The following STAC variants were observed in gnomAD, a reference collection of about 807,000 sequenced individuals.
STAC encodes the protein SH3 and cysteine-rich domain-containing protein.
STAC carries 43 observed loss-of-function variants against 48.8 expected under a neutral mutation model. The observed-to-expected ratio is 0.88, with a 90% confidence interval of 0.69 to 1.14. The LOEUF is 1.14. STAC is among the 50% of genes most tolerant of loss of function. The probability of loss-of-function intolerance (pLI) is 0.00; values close to 1 mark genes in which losing one functional copy is unlikely to be tolerated. For missense variants in STAC, 497 were observed against 504.0 expected, an observed-to-expected ratio of 0.99 and a Z score of 0.13; for synonymous variants, 193 against 179.5, an observed-to-expected ratio of 1.07 and a Z score of -0.60.
intron 1 of STAC, among the ~76,000 whole-genome samples, chr3:36,426,956 G>T (rs1700579658): frequency 1.3e-5 from 2 of 152,176 alleles, no homozygotes. Flanking sequence ...AAAGCAAAAT[G>T]TAAGTGTGAC....
At chr3:36,454,150 T>C (rs913160304) in intron 2 of STAC, among the ~76,000 whole-genome samples, 3 of 152,084 alleles carry the variant, frequency 2.0e-5, no homozygotes, top group African/African-American at 4.8e-5. Context: ...CCCGCTCGGA[T>C]CCTCTTCCAC....
intron 8 of STAC, among the ~76,000 whole-genome samples, chr3:36,519,694 T>A (rs1437458147): frequency 6.6e-6 from 1 of 152,208 alleles, no homozygotes; most frequent in Non-Finnish European, 1.5e-5. Context: ...GATAATTTTT[T>A]AAATTTAAGA....
chr3:36,545,434 C>A (rs191550215), intron 10 of STAC, among the ~76,000 whole-genome samples: 2 of 152,198 alleles, frequency 1.3e-5, no homozygotes, highest in South Asian at 4.2e-4. Flanking sequence ...TACAAGGAAC[C>A]CTGTGTCAGG....
At chr3:36,405,505 C>A (rs1700072080) in intron 1 of STAC, among the ~76,000 whole-genome samples, 1 of 152,132 alleles carries the variant, frequency 6.6e-6, no homozygotes, top group Non-Finnish European at 1.5e-5. Context: ...GAAGGATCTC[C>A]TTCATCATCT....
intron 1 of STAC, among the ~76,000 whole-genome samples, chr3:36,433,857 T>C (rs776480420): frequency 1.1e-4 from 16 of 152,174 alleles, no homozygotes; most frequent in Non-Finnish European, 2.4e-4. Context: ...TTTACCAATA[T>C]AGTCATTAAT....
At chr3:36,520,834 A>G (rs888215752) in intron 8 of STAC, among the ~76,000 whole-genome samples, 1 of 152,146 alleles carries the variant, frequency 6.6e-6, no homozygotes, top group Non-Finnish European at 1.5e-5. Context: ...AGCGTGATCC[A>G]TGACAGTTCA....
rs372445179 is a variant in STAC, at chr3:36,392,333, A to C, written c.111+11579A>C. On this transcript the variant is annotated intron_variant, in intron 1 of 10. Coordinates refer to ENST00000273183, the MANE Select transcript of STAC (RefSeq NM_003149.3). The stretch of plus-strand genomic sequence containing the variant: ...TCCTTCACTTCTTATGCTAATATCT[A>C]GTCCTTTCCTTTCTTTCTTTTTTTG... 6.6e-5 allele frequency among the ~76,000 whole-genome samples: 10 copies of C among 151,956 alleles called. 2 individuals are homozygous for C. In the East Asian group the frequency reaches 1.9e-3, roughly 30 times the overall value.
At chr3:36,398,092 A>G (rs1265777419) in intron 1 of STAC, among the ~76,000 whole-genome samples, 1 of 152,052 alleles carries the variant, frequency 6.6e-6, no homozygotes, top group Middle Eastern at 3.2e-3. Context: ...CTGGTTGGAC[A>G]GCTAAATGAA....
intron 6 of STAC, among the ~76,000 whole-genome samples, chr3:36,496,396 G>A (rs977764819): frequency 1.2e-4 from 18 of 152,302 alleles, no homozygotes; most frequent in Admixed American, 1.2e-3. Flanking sequence ...GGAGGGTGTT[G>A]CTGTTCAGAA....
intron 8 of STAC, among the ~76,000 whole-genome samples, chr3:36,523,107 T>A (rs1698845329): frequency 6.6e-6 from 1 of 152,234 alleles, no homozygotes; most frequent in Admixed American, 6.5e-5. Flanking sequence ...CCATTGGTTC[T>A]CACGCACATG....
At chr3:36,469,963 CA>C (rs1280867677) in intron 2 of STAC, among the ~76,000 whole-genome samples, 1 of 152,076 alleles carries the variant, frequency 6.6e-6, no homozygotes, top group Non-Finnish European at 1.5e-5. Context: ...AACAATTTTG[CA>C]TTCATATCCT....
At chr3:36,520,156 C>A (rs1698766918) in intron 8 of STAC, among the ~76,000 whole-genome samples, 1 of 152,088 alleles carries the variant, frequency 6.6e-6, no homozygotes, top group Non-Finnish European at 1.5e-5. Context: ...TCAGAGGTTA[C>A]CCAAGCAAGT....
intron 1 of STAC, among the ~76,000 whole-genome samples, chr3:36,422,274 T>A (rs927497112): frequency 6.6e-6 from 1 of 152,124 alleles, no homozygotes; most frequent in African/African-American, 2.4e-5. Flanking sequence ...AAAAATTTTT[T>A]AATCAAAATT....
chr3:36,492,106 A>G (rs2125706124), intron 5 of STAC, among the ~76,000 whole-genome samples: 1 of 127,124 alleles, frequency 7.9e-6, no homozygotes, highest in Non-Finnish European at 1.6e-5. Context: ...CCTCTTGTGA[A>G]GAGGATAGAG....
rs144865622 is a variant in STAC at position 36,509,476 on chromosome 3, G to A, written c.920+3642G>A. On this transcript the variant is annotated intron_variant, in intron 8 of 10. Coordinates refer to ENST00000273183, the MANE Select transcript of STAC (RefSeq NM_003149.3). ...CTTGTTAGTTTGGGGAAGTTCTCCT[G>A]GATAATACCCTGAAGAGTGTTTTCC... 1.2e-4 allele frequency among the ~76,000 whole-genome samples: 19 copies of A among 152,206 alleles called. No individual in the cohort carries two copies. The East Asian group carries it at 3.5e-3, about 28-fold the overall frequency.
chr3:36,541,868 G>T (rs115618758), intron 10 of STAC, among the ~76,000 whole-genome samples: 1 of 152,264 alleles, frequency 6.6e-6, no homozygotes, highest in East Asian at 1.9e-4. Flanking sequence ...TTGGTGTTGG[G>T]ACATCCAGCT....
chr3:36,533,475 G>GTTTT (rs58981589), intron 10 of STAC, among the ~76,000 whole-genome samples: 6 of 61,396 alleles, frequency 9.8e-5, no homozygotes, highest in African/African-American at 3.9e-4. Context: ...TTGCTAGCAT[G>GTTTT]TTTTTTTTTT....
At chr3:36,478,511 T>C (rs990861208) in intron 2 of STAC, among the ~76,000 whole-genome samples, 1 of 152,212 alleles carries the variant, frequency 6.6e-6, no homozygotes, top group African/African-American at 2.4e-5. Flanking sequence ...ACTTATTTTA[T>C]TGAGACGGAA....
At chr3:36,417,439 ACACT>A (rs1002208495) in intron 1 of STAC, among the ~76,000 whole-genome samples, 7 of 152,204 alleles carry the variant, frequency 4.6e-5, no homozygotes, top group African/African-American at 1.2e-4. Flanking sequence ...ACACACACAA[ACACT>A]CACACAAACA....
Sources: allele counts gnomAD v4.1 joint callset (sites outside exome capture counted in the v4.1 genomes callset), GRCh38; gene constraint gnomAD v4.1.1; transcripts MANE v1.5; gene names NCBI Gene and HGNC (gene_info 2026-07-23, HGNC 2026-07-21).